YAE1: variants seen among roughly 807,000 people sequenced by gnomAD.
YAE1 encodes YAE1 maturation factor of ABCE1, also known as protein YAE1 homolog.
Under a neutral mutation model 23.0 loss-of-function variants are expected in YAE1, and 22 were observed. The ratio of observed to expected loss-of-function variants is 0.96; its 90% CI spans 0.68 to 1.37. YAE1 has a LOEUF of 1.37. YAE1 is among the 40% of genes most tolerant of loss of function. The probability of loss-of-function intolerance (pLI) is 0.00; values close to 1 mark genes in which losing one functional copy is unlikely to be tolerated. For missense variants in YAE1, 260 were observed against 262.1 expected (o/e 0.99, Z 0.06); for synonymous variants, 101 against 97.0 (o/e 1.04, Z -0.24).
At chr7:39,573,923 T>G (rs904088114), downstream of YAE1, among the ~76,000 whole-genome samples, 7 of 152,236 alleles carry the variant, frequency 4.6e-5, no homozygotes, top group Non-Finnish European at 1.5e-5. Flanking sequence ...AAGACTGTTT[T>G]TCAGAGATTT....
At chr7:39,586,884 G>A (rs1473361968) in intron 2 of YAE1, among the ~76,000 whole-genome samples, 1 of 152,200 alleles carries the variant, frequency 6.6e-6, no homozygotes, top group African/African-American at 2.4e-5. Flanking sequence ...TTATCTTACA[G>A]ATGAGATGAT....
At chr7:39,595,156 C>A (rs936810887) in intron 2 of YAE1, among the ~76,000 whole-genome samples, 1 of 152,006 alleles carries the variant, frequency 6.6e-6, no homozygotes, top group Non-Finnish European at 1.5e-5. Context: ...ACTAATAGGA[C>A]TTCTGCTTGT....
chr7:39,581,305 C>G (rs1790739046), intron 2 of YAE1, among the ~76,000 whole-genome samples: 1 of 152,054 alleles, frequency 6.6e-6, no homozygotes, highest in African/African-American at 2.4e-5. Flanking sequence ...ATATATGGTT[C>G]TAGATAGATT....
chr7:39,606,061 A>T (rs549079922), intron 2 of YAE1, among the ~76,000 whole-genome samples: 3 of 151,698 alleles, frequency 2.0e-5, no homozygotes, highest in African/African-American at 7.2e-5. Context: ...TTTTTTTTAG[A>T]AATTCTCTCC....
At chr7:39,605,267 A>C (rs2115851083) in intron 2 of YAE1, among the ~76,000 whole-genome samples, 1 of 152,280 alleles carries the variant, frequency 6.6e-6, no homozygotes, top group Admixed American at 6.5e-5. Flanking sequence ...TGTGATGGTT[A>C]ATTTTATGTG....
At chr7:39,595,396 G>GA (rs1488850054) in intron 2 of YAE1, among the ~76,000 whole-genome samples, 2 of 151,874 alleles carry the variant, frequency 1.3e-5, no homozygotes, top group African/African-American at 4.8e-5. Context: ...AATCTGAAAG[G>GA]AAAAAGGATT....
intron 2 of YAE1, among the ~76,000 whole-genome samples, chr7:39,605,772 C>T (rs141163984): frequency 1.0e-3 from 155 of 152,252 alleles, no homozygotes; most frequent in African/African-American, 3.5e-3. Context: ...AACCCTATGA[C>T]ATGGGCTGAG....
intron 2 of YAE1, among the ~76,000 whole-genome samples, chr7:39,578,668 GAAGA>G (rs2115793288): frequency 6.6e-6 from 1 of 152,226 alleles, no homozygotes; most frequent in Non-Finnish European, 1.5e-5. Flanking sequence ...GAACCCGCCA[GAAGA>G]AAGAAACTCC....
At chr7:39,604,711 A>G (rs1211094905) in intron 2 of YAE1, among the ~76,000 whole-genome samples, 1 of 152,188 alleles carries the variant, frequency 6.6e-6, no homozygotes, top group African/African-American at 2.4e-5. Flanking sequence ...TCTTTATATG[A>G]AAATAAGAGA....
chr7:39,585,643 G>A (rs1790805173), intron 2 of YAE1, among the ~76,000 whole-genome samples: 1 of 152,198 alleles, frequency 6.6e-6, no homozygotes, highest in South Asian at 2.1e-4. Context: ...TTTTTTCTAT[G>A]TGCAGACTAG....
Position 39,570,229 on chromosome 7 carries a change from T to A in YAE1, c.130-277T>A. On this transcript the variant is annotated intron_variant, in intron 1 of 2. Coordinates refer to ENST00000223273, the MANE Select transcript of YAE1 (RefSeq NM_020192.5). ...CCGCTTGCCCACCTCACAGCAAGCG[T>A]GGCGGCCCAACACTAGGTTTTTTAA... 3 of 630,704 alleles carry A rather than the reference T, an allele frequency of 4.8e-6. No homozygotes were observed. In the South Asian group the frequency reaches 6.0e-5, roughly 13 times the overall value. The allele number at this position is 630,704 out of a possible 1,614,324, so 39.1% of individuals were successfully genotyped here. A position where few individuals can be genotyped will look rare whatever the true frequency, so the allele number is the denominator to read the frequency against.
At chr7:39,584,923 C>T (rs1790794399) in intron 2 of YAE1, among the ~76,000 whole-genome samples, 1 of 152,198 alleles carries the variant, frequency 6.6e-6, no homozygotes, top group South Asian at 2.1e-4. Context: ...ATAACCTCCA[C>T]TTAGCAGCCT....
chr7:39,607,747 C>G (rs1004556153), intron 2 of YAE1, among the ~76,000 whole-genome samples: 1 of 152,214 alleles, frequency 6.6e-6, no homozygotes, highest in Non-Finnish European at 1.5e-5. Context: ...TGGCTCACTG[C>G]CACCTCTGCC....
chr7:39,569,937 T>C (rs1326761070), intron 1 of YAE1: 1 of 1,325,192 alleles, frequency 7.5e-7, no homozygotes, highest in Non-Finnish European at 1.1e-6. Flanking sequence ...CAGTCCTGGC[T>C]GCTCTGTGAC....
At chr7:39,569,022 GAAATATT>G in intron 1 of YAE1, among the ~76,000 whole-genome samples, 1 of 152,168 alleles carries the variant, frequency 6.6e-6, no homozygotes, top group Admixed American at 6.5e-5. Flanking sequence ...TATCAAATGA[GAAATATT>G]TTTCTCTAAA....
intron 2 of YAE1, 100 bp from the exon 3 acceptor site, chr7:39,572,177 G>A: frequency 2.4e-6 from 3 of 1,265,248 alleles, no homozygotes; most frequent in Non-Finnish European, 3.2e-6. Context: ...ATTATAAACA[G>A]TTTTATGATT....
chr7:39,571,009 A>G (rs980792280), intron 2 of YAE1: 5 of 162,618 alleles, frequency 3.1e-5, no homozygotes, highest in African/African-American at 1.2e-4. Context: ...AATTGATTTA[A>G]TTTACTTTAG....
chr7:39,582,517 TA>T (rs1790760514), intron 2 of YAE1, among the ~76,000 whole-genome samples: 1 of 152,168 alleles, frequency 6.6e-6, no homozygotes, highest in South Asian at 2.1e-4. Context: ...TGCCAAACGA[TA>T]TATTATTAGT....
chr7:39,582,115 T>C (rs1286259168), intron 2 of YAE1, among the ~76,000 whole-genome samples: 1 of 151,810 alleles, frequency 6.6e-6, no homozygotes, highest in Admixed American at 6.6e-5. Context: ...GTAGTTCTGA[T>C]TAGTACTTTG....
Sources: gnomAD v4.1 joint callset for allele counts (sites outside exome capture counted in the v4.1 genomes callset) on GRCh38, gnomAD v4.1.1 for gene constraint, MANE v1.5 for transcripts, NCBI Gene and HGNC (gene_info 2026-07-23, HGNC 2026-07-21) for gene names.